Variants in ICA1 observed in about 807,000 individuals in gnomAD.
ICA1 encodes islet cell autoantigen 1.
A neutral mutation model predicts 71.0 loss-of-function variants in ICA1; 40 were observed. The observed-to-expected ratio is 0.56, with a 90% CI of 0.44 to 0.73. The LOEUF (loss-of-function observed/expected upper bound fraction) is 0.73. Among genes scored for constraint, ICA1 ranks in the 30% least tolerant of loss-of-function variants. The pLI, the probability that ICA1 is intolerant of heterozygous loss-of-function variation, is 0.00. For missense variants in ICA1, 578 were observed against 576.5 expected (o/e 1.00, Z -0.03); for synonymous variants, 207 against 209.5 (o/e 0.99, Z 0.10).
At chr7:8,159,837 C>T (rs1221791348) in intron 6 of ICA1, among the ~76,000 whole-genome samples, 4 of 152,184 alleles carry the variant, frequency 2.6e-5, no homozygotes, top group African/African-American at 9.7e-5. Context: ...TTTTCAAAAA[C>T]CACCTTACTG....
At chr7:8,147,437 C>T (rs1797405428) in intron 8 of ICA1, among the ~76,000 whole-genome samples, 2 of 152,054 alleles carry the variant, frequency 1.3e-5, no homozygotes, top group African/African-American at 4.8e-5. Context: ...GTAGTAATTG[C>T]TCCTCTCTTC....
chr7:8,152,880 T>TACCC (rs1562705351), intron 8 of ICA1, among the ~76,000 whole-genome samples: 1 of 14,750 alleles, frequency 6.8e-5, no homozygotes. Context: ...CACCATCACC[T>TACCC]CCACCACCAC....
chr7:8,196,590 G>T lies in ICA1; in HGVS notation c.579+21715C>A, dbSNP rs571035594. Among the ~76,000 whole-genome samples, 15 of 152,300 alleles carry T rather than the reference G, an allele frequency of 9.8e-5. 1 individual carries two copies. In the South Asian group the frequency reaches 3.1e-3, roughly 32 times the overall value. On this transcript the variant is annotated intron_variant, in intron 6 of 13. Transcript: ENST00000402384. ...GGGGATGCTGATGGTGAGGGAGGCT[G>T]TGTGTATGCACTGGGTATGTGTGTT... is the stretch of plus-strand genomic sequence containing the variant.
chr7:8,204,258 G>A (rs972123510), intron 6 of ICA1, among the ~76,000 whole-genome samples: 3 of 152,132 alleles, frequency 2.0e-5, no homozygotes, highest in African/African-American at 4.8e-5. Flanking sequence ...TCTGTTTATC[G>A]GATTGTAGTA....
chr7:8,248,739 A>T (rs1369424922), intron 1 of ICA1, among the ~76,000 whole-genome samples: 2 of 152,154 alleles, frequency 1.3e-5, no homozygotes, highest in Admixed American at 1.3e-4. Flanking sequence ...TCGAAAGAAA[A>T]GAAAATACAC....
intron 6 of ICA1, among the ~76,000 whole-genome samples, chr7:8,180,170 G>A (rs1269605865): frequency 6.6e-6 from 1 of 151,706 alleles, no homozygotes; most frequent in African/African-American, 2.4e-5. Flanking sequence ...AGACTCCCTT[G>A]TATTCTATCC....
intron 6 of ICA1, among the ~76,000 whole-genome samples, chr7:8,210,106 G>A (rs1447721030): frequency 6.6e-6 from 1 of 152,214 alleles, no homozygotes; most frequent in African/African-American, 2.4e-5. Context: ...TTATGTTACA[G>A]AATTGGACTA....
At position 8,181,167 on chromosome 7, in the gene ICA1, A is replaced by C. The variant is rs1314963929; in HGVS notation, c.580-22515T>G. On this transcript the variant is annotated intron_variant, in intron 6 of 13. Transcript: ENST00000402384. ...AGTTAATTTTTGTGTATGATATGAA[A>C]TAGGGGTCGGGTTCCTGGTATTCTG... 5.9e-5 allele frequency among the ~76,000 whole-genome samples: 9 copies of C among 152,218 alleles called. No homozygotes were observed. The South Asian group carries it at 1.7e-3, about 28-fold the overall frequency.
chr7:8,200,090 A>G (rs966759092), intron 6 of ICA1, among the ~76,000 whole-genome samples: 6 of 152,130 alleles, frequency 3.9e-5, no homozygotes, highest in Non-Finnish European at 7.3e-5. Context: ...CAAAAGATAA[A>G]TGCTTGAGGA....
At chr7:8,196,908 C>G (rs542383174) in intron 6 of ICA1, among the ~76,000 whole-genome samples, 1 of 152,038 alleles carries the variant, frequency 6.6e-6, no homozygotes, top group Non-Finnish European at 1.5e-5. Context: ...ATCCCCTGGA[C>G]AAGCTTTCTT....
rs1259968698 is a variant in ICA1, at chr7:8,143,917, T to C, written c.860A>G (p.Asn287Ser). Residue 287 changes from asparagine (N) to serine (S), a missense_variant, in exon 9 of 14, where the codon AAC becomes AGC. Transcript: ENST00000402384. ...LVEKEEKKKI[N>S]QQESTDAAVQ... Reference sequence around the variant, plus strand: ...GGCTGCATCTGTACTTTCCTGCTGGTTGATTTTCTTCTTCTCTTCTTTCTC... The same window carrying C: ...GGCTGCATCTGTACTTTCCTGCTGGCTGATTTTCTTCTTCTCTTCTTTCTC... The C allele has an allele frequency of 6.2e-7, 1 of 1,613,228 alleles. No homozygotes were observed. Among genetic ancestry groups the C allele is most frequent in the African/African-American group, 1.3e-5 (1 of 75,008 alleles).
At chr7:8,156,514 C>A in intron 8 of ICA1, 1 of 179,564 alleles carries the variant, frequency 5.6e-6, no homozygotes, top group Non-Finnish European at 1.2e-5. Flanking sequence ...ACTCCATGTG[C>A]AGATCCAATA....
intron 10 of ICA1, among the ~76,000 whole-genome samples, chr7:8,141,483 A>ATT (rs1200120021): frequency 1.3e-5 from 2 of 152,190 alleles, no homozygotes; most frequent in Non-Finnish European, 2.9e-5. Context: ...AGAAACAGCG[A>ATT]TTTGCCAGTT....
In ICA1 at chr7:8,138,984, C is replaced by A. The variant is rs755550154; in HGVS notation, c.1018+1G>T. 2.5e-6 allele frequency: 4 copies of A among 1,611,650 alleles called. No homozygotes were observed. The highest frequency in any genetic ancestry group is 1.7e-4 in the Middle Eastern group (1 of 6,052). On this transcript the variant is annotated splice_donor_variant, in intron 11 of 13. Coordinates refer to ENST00000402384, the MANE Select transcript of ICA1 (RefSeq NM_001136020.3). LOFTEE classifies it high-confidence loss of function. ...GAGTAGTTTTCCTTAATCTAGGTTA[C>A]CTGAGCATGCAGTATGTGTAGAGCC...
At chr7:8,171,849 C>A (rs1210701732) in intron 6 of ICA1, among the ~76,000 whole-genome samples, 1 of 151,912 alleles carries the variant, frequency 6.6e-6, no homozygotes, top group Non-Finnish European at 1.5e-5. Flanking sequence ...TCCCTCGTGA[C>A]ATCTTCTTTA....
At chr7:8,148,475 G>T (rs1584543908) in intron 8 of ICA1, among the ~76,000 whole-genome samples, 1 of 151,880 alleles carries the variant, frequency 6.6e-6, no homozygotes, top group Non-Finnish European at 1.5e-5. Context: ...AGTGTTTTGG[G>T]TCTTTATTTA....
intron 1 of ICA1, among the ~76,000 whole-genome samples, chr7:8,239,270 T>A (rs917320332): frequency 6.6e-6 from 1 of 152,222 alleles, no homozygotes; most frequent in Admixed American, 6.5e-5. Flanking sequence ...GCATTTAAAT[T>A]GCTACTTTAA....
chr7:8,141,954 C>T (rs1584465582), intron 9 of ICA1, 137 bp from the exon 10 acceptor site: 6 of 1,485,230 alleles, frequency 4.0e-6, no homozygotes, highest in Non-Finnish European at 5.5e-6. Flanking sequence ...GAAGGGTCAA[C>T]ATATAGTCAT....
chr7:8,165,311 C>T (rs146405168), intron 6 of ICA1, among the ~76,000 whole-genome samples: 1 of 152,134 alleles, frequency 6.6e-6, no homozygotes, highest in African/African-American at 2.4e-5. Context: ...TTTTATTATG[C>T]AAAGAAGTAT....
Sources: gnomAD v4.1 joint callset for allele counts (sites outside exome capture counted in the v4.1 genomes callset) on GRCh38, gnomAD v4.1.1 for gene constraint, MANE v1.5 for transcripts, NCBI Gene and HGNC (gene_info 2026-07-23, HGNC 2026-07-21) for gene names.